RRAS2: variants seen among roughly 807,000 people sequenced by gnomAD.
RRAS2 encodes RAS related 2.
In RRAS2, 7 loss-of-function variants were observed where a neutral mutation model predicts 27.6. The ratio of observed to expected loss-of-function variants is 0.25; its 90% CI spans 0.14 to 0.48. The LOEUF is 0.48. Among genes scored for constraint, RRAS2 ranks in the 20% least tolerant of loss-of-function variants. RRAS2 has a pLI of 0.99. For synonymous variants in RRAS2, 86 were observed against 90.9 expected, an observed-to-expected ratio of 0.95 and a Z score of 0.31; for missense variants, 178 against 256.2, an observed-to-expected ratio of 0.69 and a Z score of 2.08.
At chr11:14,348,212 CATT>C (rs1295146943) in intron 1 of RRAS2, among the ~76,000 whole-genome samples, 3 of 152,088 alleles carry the variant, frequency 2.0e-5, no homozygotes, top group African/African-American at 7.2e-5. Context: ...AAACTCTGCT[CATT>C]ATTATTATGT....
Position 14,352,564 on chromosome 11 carries a change from T to C in RRAS2, c.108+6199A>G, listed in dbSNP as rs139816113. Among the ~76,000 whole-genome samples, 528 of 152,206 alleles carry C rather than the reference T, an allele frequency of 3.5e-3. 2 individuals carry two copies. Among genetic ancestry groups the C allele is most frequent in the African/African-American group, 0.012 (504 of 41,530 alleles). On this transcript the variant is annotated intron_variant, in intron 1 of 5. Transcript: ENST00000256196. ...ACAAAATTCATGACTATTAACTCCA[T>C]ACTGTCTACACGCAAAGTGAAAATC...
chr11:14,302,186 C>T (rs575565208), intron 1 of RRAS2, among the ~76,000 whole-genome samples: 1 of 152,016 alleles, frequency 6.6e-6, no homozygotes, highest in South Asian at 2.1e-4. Flanking sequence ...CCCTTACCCC[C>T]ACACTACACA....
In RRAS2 at chr11:14,280,726, CAAAAAAAAA is replaced by C. The variant is rs58781581; in HGVS notation, c.527+867_527+875del. 3.7e-3 allele frequency among the ~76,000 whole-genome samples: 177 copies of C among 48,326 alleles called. 1 individual carries two copies. Among genetic ancestry groups the C allele is most frequent in the African/African-American group, 0.017 (162 of 9,626 alleles). The allele number at this position is 48,326 out of a possible 152,430, so 31.7% of individuals were successfully genotyped here. A position where few individuals can be genotyped will look rare whatever the true frequency, so the allele number is the denominator to read the frequency against. Reference sequence around the variant, plus strand: ...GGGTGACAAAGAGAAACTCTGTTTCCAAAAAAAAAAAAAAAAAAAAAAAAAAAAAAAGCA... The same window carrying C: ...GGGTGACAAAGAGAAACTCTGTTTCCAAAAAAAAAAAAAAAAAAAAAAGCA... On this transcript the variant is annotated intron_variant, in intron 5 of 5. Transcript: ENST00000256196.
At chr11:14,336,215 G>A (rs1389074482) in intron 1 of RRAS2, among the ~76,000 whole-genome samples, 1 of 152,118 alleles carries the variant, frequency 6.6e-6, no homozygotes, top group Non-Finnish European at 1.5e-5. Context: ...CTAGACACCT[G>A]CCTCACCTCA....
At chr11:14,343,728 C>T (rs1368104576) in intron 1 of RRAS2, among the ~76,000 whole-genome samples, 1 of 150,182 alleles carries the variant, frequency 6.7e-6, no homozygotes, top group Non-Finnish European at 1.5e-5. Flanking sequence ...CAGCTACTTC[C>T]GGGGCTGAGG....
At chr11:14,324,171 A>T (rs1231755871) in intron 1 of RRAS2, among the ~76,000 whole-genome samples, 1 of 152,048 alleles carries the variant, frequency 6.6e-6, no homozygotes, top group Admixed American at 6.5e-5. Context: ...CACAGGAAAC[A>T]ATATACATAA....
Position 14,354,729 on chromosome 11 carries a change from T to C in RRAS2, c.108+4034A>G, listed in dbSNP as rs1318523967. Among the ~76,000 whole-genome samples the C allele has an allele frequency of 2.2e-5, 3 of 135,574 alleles. No individual in the cohort carries two copies. In the East Asian group the frequency reaches 6.5e-4, roughly 29 times the overall value. The allele number at this position is 135,574 out of a possible 152,430, so 88.9% of individuals were successfully genotyped here. On this transcript the variant is annotated intron_variant, in intron 1 of 5. Transcript: ENST00000256196. Reference sequence around the variant, plus strand: ...TCTCACTCTGCTGCCCAGGCTGGAGTGCAGTGGCGCAACCTTGACTCACTG... The same window carrying C: ...TCTCACTCTGCTGCCCAGGCTGGAGCGCAGTGGCGCAACCTTGACTCACTG...
chr11:14,299,301 C>A (rs1021444073), intron 1 of RRAS2, among the ~76,000 whole-genome samples: 3 of 152,142 alleles, frequency 2.0e-5, no homozygotes, highest in African/African-American at 7.2e-5. Flanking sequence ...GATTTGGTAT[C>A]CAAACGTTGT....
chr11:14,286,155 G>A (rs1486946554), intron 4 of RRAS2, among the ~76,000 whole-genome samples: 3 of 152,084 alleles, frequency 2.0e-5, no homozygotes, highest in Non-Finnish European at 4.4e-5. Context: ...CTGTTTTAAT[G>A]TCTCTGTCCA....
chr11:14,297,532 T>C (rs1447496110), intron 1 of RRAS2, among the ~76,000 whole-genome samples: 3 of 152,146 alleles, frequency 2.0e-5, no homozygotes, highest in African/African-American at 4.8e-5. Flanking sequence ...CCTAACACTT[T>C]GTGAAAATTA....
intron 1 of RRAS2, among the ~76,000 whole-genome samples, chr11:14,351,894 C>A (rs1432184777): frequency 0.017 from 1,938 of 112,542 alleles, 1 homozygote; most frequent in Non-Finnish European, 0.018. Flanking sequence ...GACTCCGTCT[C>A]AAAAAAAAAA....
intron 4 of RRAS2, among the ~76,000 whole-genome samples, chr11:14,282,628 T>C (rs1213703206): frequency 2.0e-5 from 3 of 148,878 alleles, no homozygotes; most frequent in Non-Finnish European, 4.4e-5. Context: ...AGTAAACACC[T>C]GATGAAAAAT....
At chr11:14,321,303 A>T (rs1315770157) in intron 1 of RRAS2, among the ~76,000 whole-genome samples, 2 of 152,342 alleles carry the variant, frequency 1.3e-5, no homozygotes, top group African/African-American at 4.8e-5. Flanking sequence ...AGGTGTTCTC[A>T]ATAAATTTCC....
chr11:14,281,830 T>C, intron 4 of RRAS2, 110 bp from the exon 5 acceptor site: 1 of 883,668 alleles, frequency 1.1e-6, no homozygotes, highest in Admixed American at 2.6e-5. Context: ...CAAGTTGTTT[T>C]ATCATAAGGT....
chr11:14,332,328 C>A (rs1554952018), intron 1 of RRAS2, among the ~76,000 whole-genome samples: 3 of 151,946 alleles, frequency 2.0e-5, no homozygotes, highest in Admixed American at 6.6e-5. Flanking sequence ...GAAATACTAC[C>A]AAACAATAAA....
intron 5 of RRAS2, 109 bp downstream of exon 5, chr11:14,281,493 A>AC: frequency 1.3e-6 from 1 of 753,990 alleles, no homozygotes; most frequent in Non-Finnish European, 2.1e-6. Context: ...ATTGTAATGC[A>AC]CCATGTGCAT....
intron 1 of RRAS2, among the ~76,000 whole-genome samples, chr11:14,315,611 G>C (rs1848083844): frequency 6.6e-6 from 1 of 152,114 alleles, no homozygotes; most frequent in Non-Finnish European, 1.5e-5. Flanking sequence ...ATCCACATTG[G>C]TTCATTAATT....
At chr11:14,320,138 T>G (rs1454647511) in intron 1 of RRAS2, among the ~76,000 whole-genome samples, 1 of 148,936 alleles carries the variant, frequency 6.7e-6, no homozygotes, top group African/African-American at 2.4e-5. Flanking sequence ...GCCACATTCA[T>G]TTGAGGTCAC....
chr11:14,300,767 C>T (rs1275463181), intron 1 of RRAS2, among the ~76,000 whole-genome samples: 1 of 151,958 alleles, frequency 6.6e-6, no homozygotes, highest in Non-Finnish European at 1.5e-5. Flanking sequence ...AAAGAAGCCA[C>T]GTTAAGGAGG....
Sources: gnomAD v4.1 joint callset for allele counts (sites outside exome capture counted in the v4.1 genomes callset) on GRCh38, gnomAD v4.1.1 for gene constraint, MANE v1.5 for transcripts, NCBI Gene and HGNC (gene_info 2026-07-23, HGNC 2026-07-21) for gene names.